The following CPEB2 variants were observed in gnomAD, a reference collection of about 807,000 sequenced individuals.
CPEB2 encodes cytoplasmic polyadenylation element-binding protein 2.
CPEB2 carries 56 observed loss-of-function variants against 93.6 expected under a neutral mutation model. The observed-to-expected ratio is 0.60, with a 90% CI of 0.48 to 0.75. The LOEUF (loss-of-function observed/expected upper bound fraction) is 0.75. Among genes scored for constraint, CPEB2 ranks in the 30% least tolerant of loss-of-function variants. CPEB2 has a pLI of 0.00. For missense variants in CPEB2, 1,579 were observed against 1,395.1 expected (o/e 1.13, Z -2.10); for synonymous variants, 764 against 586.3 (o/e 1.30, Z -4.38).
chr4:15,036,650 C>T lies in CPEB2; in HGVS notation c.2176+3439C>T, dbSNP rs150055071. ...CCCCTTTCTCAAGGAAAATAGCTTA[C>T]GTTTTTATTAGTACGTAACGTTTTT... On this transcript the variant is annotated intron_variant, in intron 5 of 11. Coordinates refer to ENST00000538197, the MANE Select transcript of CPEB2 (RefSeq NM_001177382.2). Among the ~76,000 whole-genome samples the T allele has an allele frequency of 5.8e-3, 878 of 152,146 alleles. 14 individuals carry two copies. Among genetic ancestry groups the T allele is most frequent in the African/African-American group, 0.02 (827 of 41,514 alleles).
In CPEB2 at chr4:15,068,721, G is replaced by A. The variant is rs904740701; in HGVS notation, c.*2341G>A. On this transcript the variant is annotated 3_prime_UTR_variant, in exon 12 of 12. Transcript: ENST00000538197. ...AAATTATATAATTAAAATAATTGGA[G>A]ATGTTGAAAATCATTTTCCCTTCTT... is the stretch of plus-strand genomic sequence containing the variant. The A allele has an allele frequency of 6.6e-6, 1 of 152,148 alleles. No individual in the cohort carries two copies. The highest frequency in any genetic ancestry group is 1.5e-5 in the Non-Finnish European group (1 of 67,796). 9.4% of individuals were successfully genotyped at this position (152,148 alleles called of 1,614,324 possible).
intron 8 of CPEB2, among the ~76,000 whole-genome samples, chr4:15,057,814 C>T (rs1406928268): frequency 1.3e-5 from 2 of 152,152 alleles, no homozygotes; most frequent in African/African-American, 4.8e-5. Context: ...TCATTCCAGC[C>T]TTCCTACTGT....
rs114061205 is a variant in CPEB2, at chr4:15,022,757, G to C, written c.2125+5479G>C. 6.7e-3 allele frequency among the ~76,000 whole-genome samples: 1,014 copies of C among 152,016 alleles called. 12 individuals are homozygous for C. The highest frequency in any genetic ancestry group is 0.023 in the African/African-American group (954 of 41,508). ...TAACGTACATGGAATCTTAATACTT[G>C]ACCCTTCCACTACTAAGAATTGTTC... On this transcript the variant is annotated intron_variant, in intron 4 of 11. Transcript: ENST00000538197.
chr4:15,011,665 G>A (rs925142113), intron 3 of CPEB2, among the ~76,000 whole-genome samples: 2 of 152,034 alleles, frequency 1.3e-5, no homozygotes, highest in African/African-American at 2.4e-5. Flanking sequence ...TCAGTTTAAT[G>A]TTAAGGTTAC....
intron 3 of CPEB2, among the ~76,000 whole-genome samples, chr4:15,016,225 A>G (rs904145267): frequency 6.6e-6 from 1 of 152,028 alleles, no homozygotes; most frequent in African/African-American, 2.4e-5. Context: ...AAGCTTACAC[A>G]TGCGTGTATA....
rs774470310 is a variant in CPEB2, at chr4:15,008,344, T to C, written c.1951T>C (p.Ser651Pro). The C allele has an allele frequency of 1.9e-6, 3 of 1,612,716 alleles. No homozygotes were observed. The change falls in exon 3 of 12, where the codon TCT becomes CCT. Residue 651 changes from serine to proline, a missense_variant. Physicochemically the swap from Ser to Pro is moderately conservative, Grantham distance 74 (BLOSUM62 -1). Transcript: ENST00000538197. ...SNTLLPLQVR[S>P]SLQLPAWGSD... ...AACTTCTATGCTATTGAAGGTGAGA[T>C]CTAGTTTGCAGTTGCCAGCTTGGGG...
Position 15,003,145 on chromosome 4 carries a change from T to C in CPEB2, c.472T>C (p.Cys158Arg), listed in dbSNP as rs775420996. 3.3e-6 allele frequency: 5 copies of C among 1,533,240 alleles called. No homozygotes were observed. In the South Asian group the frequency reaches 4.8e-5, roughly 15 times the overall value. The allele number at this position is 1,533,240 out of a possible 1,614,324, so 95.0% of individuals were successfully genotyped here. Residue 158 changes from cysteine to arginine, a missense_variant, in exon 1 of 12, where the codon TGC becomes CGC. Around this residue, in one of 2 missense-constraint regions of CPEB2, gnomAD observed 1,411 missense variants for 1,056.0 expected, o/e 1.34. Transcript: ENST00000538197. ...SSSSASSCCC[C>R]RTSSPQDFSK... Reference sequence around the variant, plus strand: ...CTCCTCCGCCTCCTCCTGCTGCTGCTGCCGCACCTCCTCCCCGCAGGACTT... The same window carrying C: ...CTCCTCCGCCTCCTCCTGCTGCTGCCGCCGCACCTCCTCCCCGCAGGACTT...
At chr4:15,011,065 A>G (rs1391477086) in intron 3 of CPEB2, among the ~76,000 whole-genome samples, 2 of 151,356 alleles carry the variant, frequency 1.3e-5, no homozygotes, top group Non-Finnish European at 2.9e-5. Context: ...TGACTTTAAA[A>G]TGAGTATTAC....
Position 15,003,133 on chromosome 4 carries a change from T to G in CPEB2, c.460T>G (p.Ser154Ala). The G allele has an allele frequency of 6.5e-7, 1 of 1,531,902 alleles. No individual in the cohort carries two copies. Among genetic ancestry groups the G allele is most frequent in the Non-Finnish European group, 8.7e-7 (1 of 1,145,474 alleles). The allele number at this position is 1,531,902 out of a possible 1,614,324, so 94.9% of individuals were successfully genotyped here. The change falls in exon 1 of 12, where the codon TCC becomes GCC. Residue 154 changes from serine (S) to alanine (A), a missense_variant. This residue lies in a region of CPEB2 where 1,411 missense variants were observed against 1,056.0 expected (regional missense o/e 1.34). Transcript: ENST00000538197. ...LHHPSSSSAS[S>A]CCCCRTSSPQ... Reference sequence around the variant, plus strand: ...CCACCCCTCCTCCTCCTCCGCCTCCTCCTGCTGCTGCTGCCGCACCTCCTC... The same window carrying G: ...CCACCCCTCCTCCTCCTCCGCCTCCGCCTGCTGCTGCTGCCGCACCTCCTC...
intron 9 of CPEB2, among the ~76,000 whole-genome samples, 188 bp downstream of exon 9, chr4:15,058,727 C>A (rs533628103): frequency 5.9e-5 from 9 of 152,312 alleles, no homozygotes; most frequent in African/African-American, 2.2e-4. Flanking sequence ...GGTCCATGAT[C>A]TTTTAGGAAC....
Position 15,003,580 on chromosome 4 carries a change from T to A in CPEB2, c.907T>A (p.Ser303Thr). Residue 303 changes from serine to threonine, a missense_variant, in exon 1 of 12, where the codon TCC becomes ACC. Coordinates refer to ENST00000538197, the MANE Select transcript of CPEB2 (RefSeq NM_001177382.2). Reference protein sequence around the residue: ...AAESPNAGLASSTPVNPAPGS... With the variant: ...AAESPNAGLATSTPVNPAPGS... ...CGAGTCCCCCAATGCGGGCTTGGCCTCCTCGACGCCGGTGAACCCCGCGCC... is the reference window on the plus strand; with the variant it reads ...CGAGTCCCCCAATGCGGGCTTGGCCACCTCGACGCCGGTGAACCCCGCGCC... The A allele has an allele frequency of 6.8e-7, 1 of 1,474,468 alleles. No homozygotes were observed. Among genetic ancestry groups the A allele is most frequent in the Admixed American group, 2.3e-5 (1 of 43,222 alleles). The allele number at this position is 1,474,468 out of a possible 1,614,324, so 91.3% of individuals were successfully genotyped here.
chr4:15,040,840 A>G (rs1428165125), intron 6 of CPEB2, among the ~76,000 whole-genome samples: 2 of 152,246 alleles, frequency 1.3e-5, no homozygotes, highest in East Asian at 1.9e-4. Context: ...TGCTCTCTAA[A>G]TGTGTAACTG....
At position 15,003,558 on chromosome 4, in the gene CPEB2, G is replaced by C; in HGVS notation, c.885G>C (p.Glu295Asp). The change falls in exon 1 of 12, where the codon GAG becomes GAC. Residue 295 changes from glutamate to aspartate, a missense_variant. Transcript: ENST00000538197. ...TPAAGEGSAA[E>D]SPNAGLASST... is the part of the protein sequence containing the mutation. Reference sequence around the variant, plus strand: ...CCGCGGGCGAGGGCAGCGCCGCCGAGTCCCCCAATGCGGGCTTGGCCTCCT... The same window carrying C: ...CCGCGGGCGAGGGCAGCGCCGCCGACTCCCCCAATGCGGGCTTGGCCTCCT... 1 of 1,459,132 alleles carries C rather than the reference G, an allele frequency of 6.9e-7. No individual in the cohort carries two copies. Among genetic ancestry groups the C allele is most frequent in the South Asian group, 1.3e-5 (1 of 76,640 alleles). 90.4% of individuals were successfully genotyped at this position (1,459,132 alleles called of 1,614,324 possible). A position where few individuals can be genotyped will look rare whatever the true frequency, so the allele number is the denominator to read the frequency against.
chr4:15,041,717 T>C (rs140433069), intron 6 of CPEB2, among the ~76,000 whole-genome samples: 3 of 152,254 alleles, frequency 2.0e-5, no homozygotes, highest in Non-Finnish European at 4.4e-5. Flanking sequence ...AGTGCTTCCA[T>C]TTCTTTTCAA....
chr4:15,002,814 A>G lies in CPEB2; in HGVS notation c.141A>G (p.Pro47=), dbSNP rs2108928001. 6.5e-7 allele frequency: 1 copy of G among 1,534,836 alleles called. No individual in the cohort carries two copies. Among genetic ancestry groups the G allele is most frequent in the Non-Finnish European group, 8.7e-7 (1 of 1,146,444 alleles). ...TGCCCTCCGCCACGCCCTTCGGCCC[A>G]CTGTCGCCACCACCGTTGCCTGTCA... The part of the protein sequence containing the change: ...NPLPSATPFG[P]LSPPPLPVTG... The change falls in exon 1 of 12, where the codon CCA becomes CCG. Residue 47 remains proline, a synonymous_variant. Transcript: ENST00000538197.
At chr4:15,044,540 T>C (rs1727477804) in intron 6 of CPEB2, among the ~76,000 whole-genome samples, 1 of 152,228 alleles carries the variant, frequency 6.6e-6, no homozygotes, top group African/African-American at 2.4e-5. Flanking sequence ...ATAAATTTTT[T>C]AAGTAAATTA....
At position 15,007,413 on chromosome 4, in the gene CPEB2, A is replaced by T. The variant is rs1259151468; in HGVS notation, c.1771A>T (p.Met591Leu). The T allele has an allele frequency of 6.2e-7, 1 of 1,614,148 alleles. No homozygotes were observed. The highest frequency in any genetic ancestry group is 8.5e-7 in the Non-Finnish European group (1 of 1,179,978). The change falls in exon 2 of 12, where the codon ATG becomes TTG. Residue 591 changes from methionine to leucine, a missense_variant. By Grantham distance (15) the Met-to-Leu change is conservative. This residue lies in a region of CPEB2 where 1,411 missense variants were observed against 1,056.0 expected (regional missense o/e 1.34). Transcript: ENST00000538197. ...CAGAGATCATCGTAGAACCGGAAAC[A>T]TGGGAATCCCAGGAACTATGAATCA... is the stretch of plus-strand genomic sequence containing the variant. Reference protein sequence around the residue: ...HGRDHRRTGNMGIPGTMNQIS... With the variant: ...HGRDHRRTGNLGIPGTMNQIS...
At chr4:15,048,317 C>A (rs1229011206) in intron 6 of CPEB2, among the ~76,000 whole-genome samples, 1 of 151,842 alleles carries the variant, frequency 6.6e-6, no homozygotes, top group Non-Finnish European at 1.5e-5. Context: ...AAGTCTAGTT[C>A]ATTTGCCAGT....
At chr4:15,006,814 C>T (rs935674148) in intron 1 of CPEB2, among the ~76,000 whole-genome samples, 5 of 152,068 alleles carry the variant, frequency 3.3e-5, no homozygotes, top group African/African-American at 7.2e-5. Context: ...AGAGTAATTC[C>T]CACTTTTGTA....
Sources: gnomAD v4.1 joint callset for allele counts (sites outside exome capture counted in the v4.1 genomes callset) on GRCh38, gnomAD v4.1.1 for gene constraint, gnomAD v4.1.1 regional missense constraint, MANE v1.5 for transcripts, NCBI Gene and HGNC (gene_info 2026-07-23, HGNC 2026-07-21) for gene names.